The following NALCN variants were observed in gnomAD, a reference collection of about 807,000 sequenced individuals.
NALCN encodes sodium leak channel, non-selective.
Under a neutral mutation model 225.3 loss-of-function variants are expected in NALCN, and 111 were observed. That is an observed-to-expected ratio of 0.49 (90% confidence interval 0.42 to 0.58). The LOEUF is 0.58. NALCN is among the 20% of genes least tolerant of loss of function. The pLI is 0.00. For missense variants in NALCN, 1,378 were observed against 2,202.4 expected (o/e 0.63, Z 7.49); for synonymous variants, 764 against 769.0 (o/e 0.99, Z 0.11).
At chr13:101,299,889 A>T (rs1194813394) in intron 7 of NALCN, among the ~76,000 whole-genome samples, 1 of 152,092 alleles carries the variant, frequency 6.6e-6, no homozygotes, top group Non-Finnish European at 1.5e-5. Flanking sequence ...ACTTACTATA[A>T]TGTTTTTCTT....
At chr13:101,076,421 A>C (rs1374062589) in intron 34 of NALCN, among the ~76,000 whole-genome samples, 2 of 152,326 alleles carry the variant, frequency 1.3e-5, no homozygotes, top group Admixed American at 6.5e-5. Flanking sequence ...CTGCTCAGGA[A>C]CACATCCAGC....
chr13:101,265,704 T>G (rs2042574185), intron 10 of NALCN, among the ~76,000 whole-genome samples: 2 of 152,214 alleles, frequency 1.3e-5, no homozygotes, highest in Admixed American at 6.5e-5. Flanking sequence ...TAGATACTTT[T>G]GCATCCCCTT....
chr13:101,253,639 ATTAT>A lies in NALCN; in HGVS notation c.1266+4800_1266+4803del, dbSNP rs149734257. ...ATATTTGACTTTAACACAAAATGTT[ATTAT>A]TTATTTGTATTTTAAATAATTGAAT... is the stretch of plus-strand genomic sequence containing the variant. On this transcript the variant is annotated intron_variant, in intron 11 of 43. Coordinates refer to ENST00000251127, the MANE Select transcript of NALCN (RefSeq NM_052867.4). Among the ~76,000 whole-genome samples the A allele has an allele frequency of 7.8e-3, 1,192 of 152,296 alleles. 19 individuals carry two copies. Among genetic ancestry groups the A allele is most frequent in the African/African-American group, 0.027 (1,110 of 41,566 alleles).
At chr13:101,114,527 A>G (rs1037811758) in intron 18 of NALCN, among the ~76,000 whole-genome samples, 4 of 151,642 alleles carry the variant, frequency 2.6e-5, no homozygotes, top group African/African-American at 9.7e-5. Context: ...CTCTACGGAG[A>G]GTTCCACTTG....
Position 101,065,383 on chromosome 13 carries a change from C to T in NALCN, c.4604+21G>A, listed in dbSNP as rs891513250. The T allele has an allele frequency of 4.3e-6, 7 of 1,613,386 alleles. No homozygotes were observed. The African/African-American group carries it at 8.0e-5, about 18-fold the overall frequency. On this transcript the variant is annotated intron_variant, in intron 40 of 43. Transcript: ENST00000251127. The stretch of plus-strand genomic sequence containing the variant: ...TGTGGTTTCTGGCCCCCATTCAGCC[C>T]TGCGAAAGCCTGCCTTGTACCTCAG...
At chr13:101,096,186 G>A (rs1002755541) in intron 27 of NALCN, among the ~76,000 whole-genome samples, 3 of 152,050 alleles carry the variant, frequency 2.0e-5, no homozygotes, top group Non-Finnish European at 4.4e-5. Context: ...CACTAACACA[G>A]AGTTACCATA....
chr13:101,106,908 G>A (rs887681704), intron 22 of NALCN, among the ~76,000 whole-genome samples: 6 of 152,104 alleles, frequency 3.9e-5, no homozygotes, highest in Non-Finnish European at 8.8e-5. Context: ...TCCATTTGTT[G>A]CCTGTCAAAC....
intron 10 of NALCN, among the ~76,000 whole-genome samples, chr13:101,264,801 C>T (rs530195102): frequency 6.6e-6 from 1 of 152,162 alleles, no homozygotes; most frequent in Admixed American, 6.5e-5. Flanking sequence ...AAATGGCTGC[C>T]AACCTTGTCC....
chr13:101,150,266 G>A (rs573581894), intron 15 of NALCN, among the ~76,000 whole-genome samples: 128 of 152,276 alleles, frequency 8.4e-4, no homozygotes, highest in South Asian at 2.9e-3. Flanking sequence ...GGGAGCGGGA[G>A]GGAGTATGGA....
intron 6 of NALCN, among the ~76,000 whole-genome samples, chr13:101,362,019 T>C (rs2046264848): frequency 6.6e-6 from 1 of 151,892 alleles, no homozygotes; most frequent in Non-Finnish European, 1.5e-5. Flanking sequence ...ATTAATATTA[T>C]TATCATATGA....
chr13:101,173,647 G>A (rs1262704780), intron 15 of NALCN, among the ~76,000 whole-genome samples: 1 of 152,102 alleles, frequency 6.6e-6, no homozygotes, highest in South Asian at 2.1e-4. Context: ...GAAGCAAAAA[G>A]TTTGAACGGA....
intron 7 of NALCN, among the ~76,000 whole-genome samples, chr13:101,307,918 G>C (rs115009685): frequency 6.6e-6 from 1 of 152,244 alleles, no homozygotes; most frequent in Non-Finnish European, 1.5e-5. Flanking sequence ...AATCTGTTAG[G>C]TAAATCAGAA....
At chr13:101,072,013 A>G (rs1376911154) in intron 37 of NALCN, among the ~76,000 whole-genome samples, 2 of 152,212 alleles carry the variant, frequency 1.3e-5, no homozygotes, top group African/African-American at 2.4e-5. Context: ...CGGTGCAGCA[A>G]TCAGAAGACA....
intron 7 of NALCN, among the ~76,000 whole-genome samples, chr13:101,327,390 G>GGA (rs386380476): frequency 1.2e-4 from 18 of 151,198 alleles, no homozygotes; most frequent in Admixed American, 3.3e-4. Flanking sequence ...ACATTGGGGG[G>GGA]GATGATATTT....
At position 101,100,735 on chromosome 13, in the gene NALCN, A is replaced by C. The variant is rs1214808056; in HGVS notation, c.3162+49T>G. The C allele has an allele frequency of 8.1e-6, 12 of 1,485,912 alleles. No homozygotes were observed. In the Admixed American group the frequency reaches 2.0e-4, roughly 24 times the overall value. The allele number at this position is 1,485,912 out of a possible 1,614,324, so 92.0% of individuals were successfully genotyped here. On this transcript the variant is annotated intron_variant, in intron 27 of 43. Coordinates refer to ENST00000251127, the MANE Select transcript of NALCN (RefSeq NM_052867.4). ...GCTAGGATTGTAGGCACATGCCACC[A>C]CACTTGGCCCTTAATTTTTATTTCA... is the stretch of plus-strand genomic sequence containing the variant.
chr13:101,125,987 A>C (rs1231804999), intron 17 of NALCN, among the ~76,000 whole-genome samples: 1 of 152,204 alleles, frequency 6.6e-6, no homozygotes, highest in African/African-American at 2.4e-5. Context: ...TATTCAGTAA[A>C]AATAGATCAC....
intron 22 of NALCN, among the ~76,000 whole-genome samples, chr13:101,107,043 A>G (rs914394617): frequency 6.6e-6 from 1 of 152,168 alleles, no homozygotes; most frequent in Non-Finnish European, 1.5e-5. Context: ...ACAGTTGGTA[A>G]TGAAAGCACT....
At chr13:101,181,334 G>C (rs932451441) in intron 14 of NALCN, 1 of 518,826 alleles carries the variant, frequency 1.9e-6, no homozygotes, top group Admixed American at 1.9e-5. Flanking sequence ...ATAAGAGAGG[G>C]AGGCTGGAAT....
rs189309167 is a variant in NALCN, at chr13:101,260,143, T to C, written c.1135-1569A>G. Among the ~76,000 whole-genome samples the C allele has an allele frequency of 5.3e-5, 8 of 152,322 alleles. No homozygotes were observed. The East Asian group carries it at 1.5e-3, about 29-fold the overall frequency. ...CATGTGATGTTTGTCTTTCTGTGCCTGGCTTATTTCGCTTAACATAATGAT... is the reference window on the plus strand; with the variant it reads ...CATGTGATGTTTGTCTTTCTGTGCCCGGCTTATTTCGCTTAACATAATGAT... On this transcript the variant is annotated intron_variant, in intron 10 of 43. Coordinates refer to ENST00000251127, the MANE Select transcript of NALCN (RefSeq NM_052867.4).
Sources: allele counts gnomAD v4.1 joint callset (sites outside exome capture counted in the v4.1 genomes callset), GRCh38; gene constraint gnomAD v4.1.1; transcripts MANE v1.5; gene names NCBI Gene and HGNC (gene_info 2026-07-23, HGNC 2026-07-21).